PIK3CD: variants seen among roughly 807,000 people sequenced by gnomAD.
The protein encoded by PIK3CD is phosphatidylinositol 4,5-bisphosphate 3-kinase catalytic subunit delta isoform.
PIK3CD carries 20 observed loss-of-function variants against 122.9 expected under a neutral mutation model. That is an observed-to-expected ratio of 0.16 (90% CI 0.11 to 0.24). The LOEUF is 0.24. PIK3CD is among the 10% of genes least tolerant of loss of function. PIK3CD has a pLI of 1.00. For missense variants in PIK3CD, 787 were observed against 1,406.3 expected (o/e 0.56, Z 7.04); for synonymous variants, 596 against 593.4 (o/e 1.00, Z -0.06).
At chr1:9,679,896 C>T (rs969617536) in intron 1 of PIK3CD, among the ~76,000 whole-genome samples, 1 of 152,150 alleles carries the variant, frequency 6.6e-6, no homozygotes, top group African/African-American at 2.4e-5. Flanking sequence ...GTGATCTCGG[C>T]TCATTGCAAC....
In PIK3CD at chr1:9,716,921, GC is replaced by G. The variant is rs761141678; in HGVS notation, c.781-36del. 1.9e-6 allele frequency: 3 copies of G among 1,613,002 alleles called. No homozygotes were observed. The East Asian group carries it at 6.7e-5, about 36-fold the overall frequency. On this transcript the variant is annotated intron_variant, in intron 6 of 23. Transcript: ENST00000377346. ...TCCTGGTGTCCAGGGAGTGGTTGGG[GC>G]CGCCCCACCAGCCGCTCACCCTGCA... is the stretch of plus-strand genomic sequence containing the variant.
chr1:9,651,573 G>A (rs72869669), upstream of PIK3CD, among the ~76,000 whole-genome samples: 6,096 of 152,316 alleles, frequency 0.04, 348 homozygotes, highest in African/African-American at 0.13. Flanking sequence ...CTAGCGGTAG[G>A]CGAACTGGGG....
chr1:9,686,356 G>T (rs1570225392), intron 1 of PIK3CD, among the ~76,000 whole-genome samples: 2 of 149,512 alleles, frequency 1.3e-5, no homozygotes, highest in East Asian at 3.9e-4. Context: ...ACCATGCCAG[G>T]CTAATTTTCT....
intron 1 of PIK3CD, among the ~76,000 whole-genome samples, chr1:9,666,310 G>A (rs577701669): frequency 1.5e-4 from 19 of 130,220 alleles, no homozygotes; most frequent in Middle Eastern, 5.3e-3. Flanking sequence ...GTGCAATCTC[G>A]GCTCACTGCA....
At chr1:9,645,464 A>T in the PIK3CD span, among the ~76,000 whole-genome samples, 1 of 150,732 alleles carries the variant, frequency 6.6e-6, no homozygotes, top group Admixed American at 6.6e-5. Context: ...TTATTTATTT[A>T]TTTATTTTTT....
Position 9,727,218 on chromosome 1 carries a change from C to G in PIK3CD, c.*172C>G. ...TTATGACTTGAAATAGTTTAAGGAGCTAAACAGCCATAAACGGAAACGCCT... is the reference window on the plus strand; with the variant it reads ...TTATGACTTGAAATAGTTTAAGGAGGTAAACAGCCATAAACGGAAACGCCT... On this transcript the variant is annotated 3_prime_UTR_variant, in exon 24 of 24. Coordinates refer to ENST00000377346, the MANE Select transcript of PIK3CD (RefSeq NM_005026.5). 1.3e-6 allele frequency: 1 copy of G among 785,490 alleles called. No individual in the cohort carries two copies. The highest frequency in any genetic ancestry group is 2.3e-5 in the Admixed American group (1 of 43,568). The allele number at this position is 785,490 out of a possible 1,614,324, so 48.7% of individuals were successfully genotyped here. A position where few individuals can be genotyped will look rare whatever the true frequency, so the allele number is the denominator to read the frequency against.
chr1:9,719,940 C>G lies in PIK3CD; in HGVS notation c.1262C>G (p.Ala421Gly). The G allele has an allele frequency of 6.2e-7, 1 of 1,613,710 alleles. No individual in the cohort carries two copies. The highest frequency in any genetic ancestry group is 1.1e-5 in the South Asian group (1 of 91,078). Reference sequence around the variant, plus strand: ...CTGCAGGACTGCCCCATTGCCTGGGCCAACCTCATGCTGTTTGACTACAAG... The same window carrying G: ...CTGCAGGACTGCCCCATTGCCTGGGGCAACCTCATGCTGTTTGACTACAAG... ...SKKADCPIAWANLMLFDYKDQ... is the reference protein window; with the variant it reads ...SKKADCPIAWGNLMLFDYKDQ... Residue 421 changes from alanine (A) to glycine (G), a missense_variant, in exon 10 of 24, where the codon GCC becomes GGC. This residue lies in a region of PIK3CD where 592 missense variants were observed against 920.6 expected (regional missense o/e 0.64). Transcript: ENST00000377346. This position sits in a 1 kb window ranked among gnomAD's most constrained non-coding sequence, Gnocchi z 5.5.
At chr1:9,639,721 TTTTG>T in the PIK3CD span, among the ~76,000 whole-genome samples, 5 of 152,096 alleles carry the variant, frequency 3.3e-5, no homozygotes, top group East Asian at 1.9e-4. Context: ...TCTTCAGGGT[TTTTG>T]TTTGTTTGTT....
chr1:9,656,792 A>C (rs1489222060), intron 1 of PIK3CD, among the ~76,000 whole-genome samples: 1 of 151,930 alleles, frequency 6.6e-6, no homozygotes, highest in Admixed American at 6.6e-5. Flanking sequence ...AAAATTCAAA[A>C]ATTAGCCAGG....
At chr1:9,651,892 G>GGGCT (rs2100673330) in intron 1 of PIK3CD, 90 bp downstream of exon 1, 1 of 152,392 alleles carries the variant, frequency 6.6e-6, no homozygotes, top group South Asian at 2.1e-4. Context: ...CGGGGGCGCG[G>GGGCT]GGCTGGCTGG....
chr1:9,712,394 C>T (rs1298330087), intron 3 of PIK3CD, among the ~76,000 whole-genome samples: 1 of 152,044 alleles, frequency 6.6e-6, no homozygotes, highest in Non-Finnish European at 1.5e-5. Flanking sequence ...AATTCTCCTG[C>T]CTCATCTTCC....
chr1:9,722,266 G>A lies in PIK3CD; in HGVS notation c.2257G>A (p.Asp753Asn), dbSNP rs751837497. ...CAGCGTGGAGCAGTGCACCTTCATG[G>A]ACTCCAAGATGAAGCCCCTGTGGAT... Reference protein sequence around the residue: ...EVCVEQCTFMDSKMKPLWIMY... With the variant: ...EVCVEQCTFMNSKMKPLWIMY... The change falls in exon 18 of 24, where the codon GAC becomes AAC. Residue 753 changes from aspartate (D) to asparagine (N), a missense_variant. Transcript: ENST00000377346. The surrounding 1 kb of genome is among the most constrained non-coding windows in gnomAD (Gnocchi z 7.6). 2 of 1,613,490 alleles carry A rather than the reference G, an allele frequency of 1.2e-6. No homozygotes were observed. The highest frequency in any genetic ancestry group is 1.3e-5 in the African/African-American group (1 of 74,908).
In PIK3CD at chr1:9,722,851, T is replaced by G. The variant is rs1648903776; in HGVS notation, c.2426+245T>G. On this transcript the variant is annotated intron_variant, in intron 19 of 23. Coordinates refer to ENST00000377346, the MANE Select transcript of PIK3CD (RefSeq NM_005026.5). This position sits in a 1 kb window ranked among gnomAD's most constrained non-coding sequence, Gnocchi z 7.6. ...TTTAGTTGCCCAGGTGCCCCTGGCT[T>G]CCCCAGCCCATCTTGGGAAGCAGTG... Among the ~76,000 whole-genome samples, 1 of 152,180 alleles carries G rather than the reference T, an allele frequency of 6.6e-6. No homozygotes were observed. The highest frequency in any genetic ancestry group is 2.4e-5 in the African/African-American group (1 of 41,444).
the PIK3CD span, among the ~76,000 whole-genome samples, chr1:9,629,797 C>T: frequency 1.3e-5 from 2 of 152,218 alleles, no homozygotes; most frequent in Non-Finnish European, 2.9e-5. Context: ...GGGCCGGGAC[C>T]GCCCCTGAGC....
At position 9,700,055 on chromosome 1, in the gene PIK3CD, T is replaced by C. The variant is rs922048095; in HGVS notation, c.-33+8484T>C. ...GCTGCCTGCAAGCCCCTTTTTATTA[T>C]ATTCCAGTGCTTTTACTACCTGAAG... On this transcript the variant is annotated intron_variant, in intron 2 of 23. Coordinates refer to ENST00000377346, the MANE Select transcript of PIK3CD (RefSeq NM_005026.5). The surrounding 1 kb of genome is among the most constrained non-coding windows in gnomAD (Gnocchi z 5.1). Among the ~76,000 whole-genome samples, 3 of 152,268 alleles carry C rather than the reference T, an allele frequency of 2.0e-5. No homozygotes were observed. Among genetic ancestry groups the C allele is most frequent in the African/African-American group, 2.4e-5 (1 of 41,472 alleles).
At position 9,723,185 on chromosome 1, in the gene PIK3CD, C is replaced by T; in HGVS notation, c.2487C>T (p.Leu829=). 4 of 1,613,858 alleles carry T rather than the reference C, an allele frequency of 2.5e-6. No individual in the cohort carries two copies. The highest frequency in any genetic ancestry group is 3.4e-6 in the Non-Finnish European group (4 of 1,180,038). ...GCACAGGCCTCATTGAGGTGGTACT[C>T]CGTTCAGACACCATCGCCAACATCC... The part of the protein sequence containing the change: ...GDRTGLIEVV[L]RSDTIANIQL... Residue 829 remains leucine (L), a synonymous_variant, in exon 20 of 24, where the codon CTC becomes CTT. Transcript: ENST00000377346. This position sits in a 1 kb window ranked among gnomAD's most constrained non-coding sequence, Gnocchi z 4.9.
At chr1:9,681,500 C>T (rs1264208137) in intron 1 of PIK3CD, among the ~76,000 whole-genome samples, 1 of 152,200 alleles carries the variant, frequency 6.6e-6, no homozygotes, top group Non-Finnish European at 1.5e-5. Flanking sequence ...CTGCAACCTC[C>T]CCTTCCCGGG....
chr1:9,722,124 C>T lies in PIK3CD; in HGVS notation c.2205C>T (p.Leu735=), dbSNP rs766999562. ...LEALSHLQSP[L]DPSTLLAEVC... is the part of the protein sequence containing the mutation. The stretch of plus-strand genomic sequence containing the variant: ...CCCTCTCCCACCTGCAGTCCCCACT[C>T]GACCCCAGCACCCTGCTGGCTGAAG... Residue 735 remains leucine, a synonymous_variant, in exon 17 of 24, where the codon CTC becomes CTT. Coordinates refer to ENST00000377346, the MANE Select transcript of PIK3CD (RefSeq NM_005026.5). This position sits in a 1 kb window ranked among gnomAD's most constrained non-coding sequence, Gnocchi z 7.6. The T allele has an allele frequency of 1.1e-5, 18 of 1,613,078 alleles. No individual in the cohort carries two copies. Among genetic ancestry groups the T allele is most frequent in the Non-Finnish European group, 1.4e-5 (17 of 1,179,926 alleles).
rs1650022562 is a variant in PIK3CD at position 9,728,427 on chromosome 1, T to TAACA, written c.*1382_*1385dup. 6.6e-6 allele frequency: 1 copy of TAACA among 152,366 alleles called. No homozygotes were observed. Among genetic ancestry groups the TAACA allele is most frequent in the East Asian group, 1.9e-4 (1 of 5,188 alleles). 9.4% of individuals were successfully genotyped at this position (152,366 alleles called of 1,614,324 possible). On this transcript the variant is annotated 3_prime_UTR_variant, in exon 24 of 24. Transcript: ENST00000377346. ...GCTTTTAGCAGCCCACAGGTGATCC[T>TAACA]AACATATCAGGCCATGGACTCAGGA...
Sources: allele counts gnomAD v4.1 joint callset (sites outside exome capture counted in the v4.1 genomes callset), GRCh38; gene constraint gnomAD v4.1.1; regional missense constraint gnomAD v4.1.1; non-coding constraint Gnocchi (gnomAD v3.1); transcripts MANE v1.5; gene names NCBI Gene and HGNC (gene_info 2026-07-23, HGNC 2026-07-21).